The following BRAF variants were observed in gnomAD, a reference collection of about 807,000 sequenced individuals.
BRAF encodes the protein B-Raf proto-oncogene, serine/threonine kinase.
BRAF carries 16 observed loss-of-function variants against 104.6 expected under a neutral mutation model. That is an observed-to-expected ratio of 0.15 (90% CI 0.10 to 0.23). BRAF has a LOEUF of 0.23. Ranked by LOEUF, BRAF falls within the 10% of genes least tolerant of loss-of-function variation. BRAF has a pLI of 1.00. For missense variants in BRAF, 541 were observed against 937.3 expected (o/e 0.58, Z 5.52); for synonymous variants, 310 against 341.6 (o/e 0.91, Z 1.02).
chr7:140,771,996 T>C (rs939844937), intron 14 of BRAF, among the ~76,000 whole-genome samples: 1 of 152,108 alleles, frequency 6.6e-6, no homozygotes, highest in Non-Finnish European at 1.5e-5. Context: ...GAAACTATGG[T>C]TGGCATTCAA....
At chr7:140,749,156 T>C in intron 17 of BRAF, 131 bp downstream of exon 16, 1 of 1,284,296 alleles carries the variant, frequency 7.8e-7, no homozygotes, top group South Asian at 1.3e-5. Flanking sequence ...ATACAAACGA[T>C]TTCTAAAACT....
intron 10 of BRAF, among the ~76,000 whole-genome samples, chr7:140,784,789 C>T (rs1801192866): frequency 6.6e-6 from 1 of 152,026 alleles, no homozygotes; most frequent in Non-Finnish European, 1.5e-5. Flanking sequence ...GGATTACAGG[C>T]ATCCGCCATC....
intron 1 of BRAF, among the ~76,000 whole-genome samples, chr7:140,870,686 G>T (rs182635665): frequency 1.8e-4 from 27 of 150,240 alleles, no homozygotes; most frequent in African/African-American, 6.6e-4. Context: ...TCAGTTTTTA[G>T]TTTCCTGAAC....
At chr7:140,754,664 A>C (rs1389062806) in intron 14 of BRAF, among the ~76,000 whole-genome samples, 2 of 152,210 alleles carry the variant, frequency 1.3e-5, no homozygotes, top group Non-Finnish European at 2.9e-5. Flanking sequence ...TACAAATTCT[A>C]ACTCCTGAGT....
intron 1 of BRAF, among the ~76,000 whole-genome samples, chr7:140,853,505 C>A (rs551664320): frequency 6.6e-6 from 1 of 152,136 alleles, no homozygotes; most frequent in Non-Finnish European, 1.5e-5. Flanking sequence ...ATTGTTCTCC[C>A]GTCACTCATC....
chr7:140,815,432 ATTTTTTTTTTT>A (rs11445161), intron 3 of BRAF, among the ~76,000 whole-genome samples: 1 of 111,882 alleles, frequency 8.9e-6, no homozygotes, highest in South Asian at 2.9e-4. Flanking sequence ...GGTGTGAGCC[ATTTTTTTTTTT>A]TTTTTTTTTT....
At chr7:140,738,259 T>TA (rs1253259668) in intron 18 of BRAF, among the ~76,000 whole-genome samples, 1 of 152,256 alleles carries the variant, frequency 6.6e-6, no homozygotes, top group Non-Finnish European at 1.5e-5. Context: ...GGCAACACCC[T>TA]GACAGACTTG....
chr7:140,806,247 C>T (rs1431034203), intron 5 of BRAF, among the ~76,000 whole-genome samples: 3 of 152,202 alleles, frequency 2.0e-5, no homozygotes, highest in African/African-American at 7.2e-5. Flanking sequence ...GAGAAACCTT[C>T]CTAACTCCTC....
chr7:140,730,415 T>A (rs1243395129), intron 19 of BRAF, among the ~76,000 whole-genome samples: 2 of 152,218 alleles, frequency 1.3e-5, no homozygotes, highest in Non-Finnish European at 1.5e-5. Flanking sequence ...CTACCCAGGC[T>A]GGAGTGCAGT....
At chr7:140,746,222 C>A in intron 17 of BRAF, among the ~76,000 whole-genome samples, 1 of 152,218 alleles carries the variant, frequency 6.6e-6, no homozygotes, top group Non-Finnish European at 1.5e-5. Context: ...AAAGAAGACA[C>A]GGCACTTCTA....
intron 1 of BRAF, among the ~76,000 whole-genome samples, chr7:140,901,530 AT>A (rs1474174514): frequency 2.0e-5 from 3 of 152,240 alleles, no homozygotes; most frequent in Non-Finnish European, 2.9e-5. Flanking sequence ...GTTAGGTTCC[AT>A]AGAAAAACCT....
chr7:140,832,761 T>A (rs1806908348), intron 3 of BRAF, among the ~76,000 whole-genome samples: 1 of 152,202 alleles, frequency 6.6e-6, no homozygotes, highest in African/African-American at 2.4e-5. Flanking sequence ...TCATTTTACA[T>A]CTTTGAAGAG....
intron 1 of BRAF, among the ~76,000 whole-genome samples, chr7:140,884,426 GAT>G (rs200281096): frequency 0.017 from 1,814 of 104,616 alleles, 22 homozygotes; most frequent in Admixed American, 0.03. Flanking sequence ...ATATATATAA[GAT>G]ATGTGTGTGT....
intron 1 of BRAF, among the ~76,000 whole-genome samples, chr7:140,868,248 T>C (rs1586468598): frequency 6.6e-6 from 1 of 152,118 alleles, no homozygotes; most frequent in African/African-American, 2.4e-5. Context: ...AGGGAAACAG[T>C]AGTCCACAGC....
chr7:140,725,797 C>A lies in BRAF; in HGVS notation c.*697G>T, dbSNP rs879725702. 5.6e-6 allele frequency: 6 copies of A among 1,063,132 alleles called. No individual in the cohort carries two copies. In the Admixed American group the frequency reaches 2.1e-4, roughly 38 times the overall value. 65.9% of individuals were successfully genotyped at this position (1,063,132 alleles called of 1,614,324 possible). A position where few individuals can be genotyped will look rare whatever the true frequency, so the allele number is the denominator to read the frequency against. ...ATCTAGCCTGCTTGGTTAGACAGAC[C>A]CCTCAGTGAGCAAGGAAACAAAAGG... is the stretch of plus-strand genomic sequence containing the variant. On this transcript the variant is annotated 3_prime_UTR_variant, in exon 20 of 20. Transcript: ENST00000644969.
intron 1 of BRAF, among the ~76,000 whole-genome samples, chr7:140,873,685 C>T (rs56797136): frequency 0.3 from 45,005 of 151,874 alleles, 10,676 homozygotes; most frequent in African/African-American, 0.66. Flanking sequence ...ACTGCAAGCA[C>T]GTGCTACAGG....
At chr7:140,887,920 C>A (rs1441349751) in intron 1 of BRAF, among the ~76,000 whole-genome samples, 1 of 150,316 alleles carries the variant, frequency 6.7e-6, no homozygotes, top group Non-Finnish European at 1.5e-5. Flanking sequence ...GCTTTGTCAT[C>A]CAGGCTAGAG....
chr7:140,839,067 C>A (rs1351324678), intron 2 of BRAF, among the ~76,000 whole-genome samples: 2 of 151,626 alleles, frequency 1.3e-5, no homozygotes, highest in Non-Finnish European at 2.9e-5. Flanking sequence ...ACAAAGCCAG[C>A]AAGACAATTC....
intron 1 of BRAF, among the ~76,000 whole-genome samples, chr7:140,882,844 A>C (rs1813096400): frequency 6.6e-6 from 1 of 152,000 alleles, no homozygotes; most frequent in Non-Finnish European, 1.5e-5. Flanking sequence ...AAAAATAAAA[A>C]TTAACTGGGC....
Sources: gnomAD v4.1 joint callset for allele counts (sites outside exome capture counted in the v4.1 genomes callset) on GRCh38, gnomAD v4.1.1 for gene constraint, MANE v1.5 for transcripts, NCBI Gene and HGNC (gene_info 2026-07-23, HGNC 2026-07-21) for gene names.